RGS8: variants seen among roughly 807,000 people sequenced by gnomAD.
RGS8 encodes the protein regulator of G-protein signaling 8.
RGS8 carries 8 observed loss-of-function variants against 21.7 expected under a neutral mutation model. The ratio of observed to expected loss-of-function variants is 0.37; its 90% CI spans 0.22 to 0.66. The LOEUF (loss-of-function observed/expected upper bound fraction) is 0.66, where lower values mean the gene tolerates loss of function less well. Ranked by LOEUF, RGS8 falls within the 30% of genes least tolerant of loss-of-function variation. RGS8 has a pLI of 0.59. For missense variants in RGS8, 157 were observed against 217.9 expected (o/e 0.72, Z 1.76); for synonymous variants, 80 against 83.6 (o/e 0.96, Z 0.24).
chr1:182,746,532 T>C, the RGS8 span, among the ~76,000 whole-genome samples: 2 of 152,026 alleles, frequency 1.3e-5, no homozygotes, highest in Non-Finnish European at 2.9e-5. Flanking sequence ...CTGGGCAGGG[T>C]GGCTTATGCC....
At chr1:182,748,878 A>T in the RGS8 span, among the ~76,000 whole-genome samples, 1 of 152,072 alleles carries the variant, frequency 6.6e-6, no homozygotes, top group Admixed American at 6.6e-5. Context: ...ATTTTCATAT[A>T]CCTGCTGGCC....
At chr1:182,740,796 C>T in the RGS8 span, among the ~76,000 whole-genome samples, 1 of 151,556 alleles carries the variant, frequency 6.6e-6, no homozygotes, top group African/African-American at 2.4e-5. Context: ...TTTAACAAAG[C>T]ACATCTTGCA....
chr1:182,725,157 T>C, the RGS8 span, among the ~76,000 whole-genome samples: 1 of 152,200 alleles, frequency 6.6e-6, no homozygotes. Context: ...ATCTACTGGC[T>C]TCCTTAAAGT....
At chr1:182,704,169 C>T in the RGS8 span, among the ~76,000 whole-genome samples, 6 of 152,222 alleles carry the variant, frequency 3.9e-5, no homozygotes, top group Admixed American at 3.9e-4. Flanking sequence ...ATAACCATAA[C>T]TGTAATTTTC....
chr1:182,646,528 C>A, exon 7 of RGS8: 2 of 549,184 alleles, frequency 3.6e-6, no homozygotes, highest in Non-Finnish European at 6.4e-6. Flanking sequence ...TACCACTAAC[C>A]AAAACACAAA....
At chr1:182,685,248 G>A, upstream of RGS8, among the ~76,000 whole-genome samples, 1 of 152,222 alleles carries the variant, frequency 6.6e-6, no homozygotes, top group South Asian at 2.1e-4. Context: ...GCAAGAGGAA[G>A]CATCATGGAG....
chr1:182,685,065 G>A (rs1664667812), upstream of RGS8, among the ~76,000 whole-genome samples: 1 of 148,236 alleles, frequency 6.7e-6, no homozygotes, highest in Non-Finnish European at 1.5e-5. Context: ...TTTATATCAC[G>A]CACAGCTCCA....
chr1:182,725,046 G>A, the RGS8 span, among the ~76,000 whole-genome samples: 8,025 of 152,206 alleles, frequency 0.053, 253 homozygotes, highest in Middle Eastern at 0.075. Context: ...TTAACATCAG[G>A]TTACTTCAGG....
chr1:182,706,176 G>A, the RGS8 span, among the ~76,000 whole-genome samples: 3 of 151,858 alleles, frequency 2.0e-5, no homozygotes, highest in African/African-American at 7.3e-5. Context: ...GTAGAGATGG[G>A]TTTTCACCAT....
chr1:182,707,842 G>A, the RGS8 span, among the ~76,000 whole-genome samples: 1 of 152,178 alleles, frequency 6.6e-6, no homozygotes, highest in East Asian at 1.9e-4. Context: ...GAGTGGCGGG[G>A]ACTACAGGCG....
At chr1:182,685,508 AAACCAT>A (rs1664680229), upstream of RGS8, among the ~76,000 whole-genome samples, 1 of 152,222 alleles carries the variant, frequency 6.6e-6, no homozygotes, top group Non-Finnish European at 1.5e-5. Flanking sequence ...GTAAATCAAC[AAACCAT>A]GGAAGACAGA....
chr1:182,670,474 C>T (rs898115010), intron 2 of RGS8, among the ~76,000 whole-genome samples: 3 of 152,196 alleles, frequency 2.0e-5, no homozygotes, highest in African/African-American at 2.4e-5. Context: ...GTCTTCCTCT[C>T]CTGAGGGTCC....
upstream of RGS8, among the ~76,000 whole-genome samples, chr1:182,689,467 A>G (rs751973010): frequency 2.6e-5 from 4 of 152,202 alleles, no homozygotes; most frequent in African/African-American, 4.8e-5. Context: ...TATCTGTCAC[A>G]GGGAACACAA....
At chr1:182,740,560 T>G in the RGS8 span, among the ~76,000 whole-genome samples, 63 of 143,818 alleles carry the variant, frequency 4.4e-4, 1 homozygote, top group South Asian at 1.3e-3. Context: ...TTTTTTTTTT[T>G]TTTTTTTTTT....
At chr1:182,698,614 T>C in the RGS8 span, among the ~76,000 whole-genome samples, 278 of 152,298 alleles carry the variant, frequency 1.8e-3, 1 homozygote, top group Non-Finnish European at 2.8e-3. Context: ...TGATGCTTAT[T>C]TTCCCCCTAA....
intron 1 of RGS8, among the ~76,000 whole-genome samples, chr1:182,680,538 C>G (rs1349073096): frequency 6.6e-6 from 1 of 152,142 alleles, no homozygotes; most frequent in Non-Finnish European, 1.5e-5. Flanking sequence ...GCACACTTCT[C>G]TATGTCAGCA....
chr1:182,679,878 T>G (rs1428023309), intron 1 of RGS8, among the ~76,000 whole-genome samples: 1 of 152,150 alleles, frequency 6.6e-6, no homozygotes, highest in Non-Finnish European at 1.5e-5. Flanking sequence ...GAATTGCTGA[T>G]CTCAGTTTCT....
intron 5 of RGS8, among the ~76,000 whole-genome samples, chr1:182,650,833 G>A (rs1391029422): frequency 6.6e-6 from 1 of 152,154 alleles, no homozygotes; most frequent in African/African-American, 2.4e-5. Context: ...CTGCATTACT[G>A]TTAATTACAT....
chr1:182,656,422 G>A (rs150467522), intron 5 of RGS8, among the ~76,000 whole-genome samples: 1 of 152,150 alleles, frequency 6.6e-6, no homozygotes. Context: ...AGGCCGTTAG[G>A]TGCCACCAAT....
Sources: gnomAD v4.1 joint callset for allele counts (sites outside exome capture counted in the v4.1 genomes callset) on GRCh38, gnomAD v4.1.1 for gene constraint, MANE v1.5 for transcripts, NCBI Gene and HGNC (gene_info 2026-07-23, HGNC 2026-07-21) for gene names.